The following ARHGEF37 variants were observed in gnomAD, a reference collection of about 807,000 sequenced individuals.
The protein encoded by ARHGEF37 is Rho guanine nucleotide exchange factor (GEF) 37.
A neutral mutation model predicts 71.1 loss-of-function variants in ARHGEF37; 55 were observed. The ratio of observed to expected loss-of-function variants is 0.77; its 90% CI spans 0.62 to 0.97. The LOEUF is 0.97. Among genes scored for constraint, ARHGEF37 ranks in the 50% least tolerant of loss-of-function variants. The pLI is 0.00. For synonymous variants in ARHGEF37, 327 were observed against 350.6 expected, an observed-to-expected ratio of 0.93 and a Z score of 0.75; for missense variants, 765 against 836.8, an observed-to-expected ratio of 0.91 and a Z score of 1.06.
chr5:149,572,475 G>A lies in ARHGEF37; in HGVS notation c.-12+20352G>A, dbSNP rs1015302516. Among the ~76,000 whole-genome samples, 7 of 152,158 alleles carry A rather than the reference G, an allele frequency of 4.6e-5. No homozygotes were observed. The East Asian group carries it at 1.3e-3, about 29-fold the overall frequency. The stretch of plus-strand genomic sequence containing the variant: ...GCAGAATACTGTGTAATATCAGGTG[G>A]AAGTATGAACTTGTTATTGTCTTTA... On this transcript the variant is annotated intron_variant, in intron 1 of 2. Transcript: ENST00000505810.
At chr5:149,596,306 C>T (rs887335232) in intron 1 of ARHGEF37, among the ~76,000 whole-genome samples, 12 of 151,996 alleles carry the variant, frequency 7.9e-5, no homozygotes, top group African/African-American at 2.2e-4. Context: ...TTGCCCTTTA[C>T]GCTTTATTAT....
Position 149,562,381 on chromosome 5 carries a change from C to A in ARHGEF37, c.-12+10258C>A, listed in dbSNP as rs575520993. On this transcript the variant is annotated intron_variant, in intron 1 of 2. Coordinates refer to the ARHGEF37 transcript ENST00000505810. ...AGCTAGGTAACTGCAGCTATTGTATCCATCGTAGGTGTGAGGAAGCCAGAG... is the reference window on the plus strand; with the variant it reads ...AGCTAGGTAACTGCAGCTATTGTATACATCGTAGGTGTGAGGAAGCCAGAG... Among the ~76,000 whole-genome samples, 12 of 152,284 alleles carry A rather than the reference C, an allele frequency of 7.9e-5. No individual in the cohort carries two copies. The South Asian group carries it at 2.5e-3, about 32-fold the overall frequency.
At chr5:149,602,621 A>G (rs558335280) in intron 3 of ARHGEF37, among the ~76,000 whole-genome samples, 1 of 151,408 alleles carries the variant, frequency 6.6e-6, no homozygotes, top group Non-Finnish European at 1.5e-5. Flanking sequence ...TGAGGAGGAT[A>G]GTCTTCTTAT....
intron 1 of ARHGEF37, among the ~76,000 whole-genome samples, chr5:149,573,409 T>C (rs1341368300): frequency 6.6e-6 from 1 of 152,220 alleles, no homozygotes; most frequent in Non-Finnish European, 1.5e-5. Context: ...TCTTTTTCTC[T>C]GGAGAACTCT....
chr5:149,584,321 T>A (rs1253471863), intron 1 of ARHGEF37, among the ~76,000 whole-genome samples: 1 of 152,160 alleles, frequency 6.6e-6, no homozygotes, highest in Non-Finnish European at 1.5e-5. Flanking sequence ...ACATACCACC[T>A]GTCCTTTCCA....
intron 1 of ARHGEF37, among the ~76,000 whole-genome samples, chr5:149,567,499 CGTT>C (rs1762911418): frequency 1.3e-5 from 2 of 152,186 alleles, no homozygotes; most frequent in Middle Eastern, 6.8e-3. Flanking sequence ...CTGTGGCATC[CGTT>C]AAGGTTTTTC....
At chr5:149,596,730 A>G (rs1413176575) in intron 1 of ARHGEF37, among the ~76,000 whole-genome samples, 3 of 152,330 alleles carry the variant, frequency 2.0e-5, no homozygotes, top group Non-Finnish European at 1.5e-5. Context: ...GCTGGGGGAT[A>G]GGAACACAGG....
intron 5 of ARHGEF37, 93 bp from the exon 6 acceptor site, chr5:149,618,083 G>A: frequency 6.5e-7 from 1 of 1,536,202 alleles, no homozygotes. Context: ...TGGAGCAGAG[G>A]GCCCAAGCAG....
At chr5:149,552,552 T>TG (rs1399427330) in intron 1 of ARHGEF37, among the ~76,000 whole-genome samples, 3 of 152,040 alleles carry the variant, frequency 2.0e-5, no homozygotes, top group Non-Finnish European at 2.9e-5. Context: ...AAAATAGAAA[T>TG]GGGGGGCGGG....
rs556332548 is a variant in ARHGEF37 at position 149,562,705 on chromosome 5, C to G, written c.-12+10582C>G. On this transcript the variant is annotated intron_variant, in intron 1 of 2. Transcript: ENST00000505810. ...TCGTGATCCGCCCGCCTCGGCCTCC[C>G]AAAGCGCTGGGATTACAGGCGTGAG... Among the ~76,000 whole-genome samples the G allele has an allele frequency of 3.9e-5, 6 of 152,296 alleles. No individual in the cohort carries two copies. In the South Asian group the frequency reaches 1.0e-3, roughly 26 times the overall value.
Position 149,634,856 on chromosome 5 carries a change from C to A in ARHGEF37, c.*2665C>A, listed in dbSNP as rs1752987367. On this transcript the variant is annotated 3_prime_UTR_variant, in exon 13 of 13. Transcript: ENST00000333677. The stretch of plus-strand genomic sequence containing the variant: ...CCCAACTCAGTTGTGGAGATGAGGA[C>A]AAGATTACAATATCAAAAGAAAGAT... 1 of 152,330 alleles carries A rather than the reference C, an allele frequency of 6.6e-6. No homozygotes were observed. Among genetic ancestry groups the A allele is most frequent in the African/African-American group, 2.4e-5 (1 of 41,336 alleles). The allele number at this position is 152,330 out of a possible 1,614,324, so 9.4% of individuals were successfully genotyped here. A position where few individuals can be genotyped will look rare whatever the true frequency, so the allele number is the denominator to read the frequency against.
intron 1 of ARHGEF37, among the ~76,000 whole-genome samples, chr5:149,565,490 T>A (rs1762886852): frequency 6.6e-6 from 1 of 152,182 alleles, no homozygotes; most frequent in African/African-American, 2.4e-5. Flanking sequence ...CTATCTACTA[T>A]ACAACATATA....
At chr5:149,623,261 T>A (rs1334402926) in intron 9 of ARHGEF37, among the ~76,000 whole-genome samples, 1 of 152,212 alleles carries the variant, frequency 6.6e-6, no homozygotes, top group Non-Finnish European at 1.5e-5. Context: ...TGGATGGAAC[T>A]GTGCTTAGTA....
intron 5 of ARHGEF37, among the ~76,000 whole-genome samples, chr5:149,617,767 G>A (rs1334543369): frequency 1.3e-5 from 2 of 152,184 alleles, no homozygotes; most frequent in African/African-American, 4.8e-5. Flanking sequence ...AGGAAGCACT[G>A]AGTCAGGACC....
chr5:149,615,734 A>T (rs934500637), intron 4 of ARHGEF37, among the ~76,000 whole-genome samples: 10 of 151,358 alleles, frequency 6.6e-5, no homozygotes, highest in South Asian at 2.1e-4. Flanking sequence ...TACTAAAAAT[A>T]AAAAAAAATC....
Position 149,620,366 on chromosome 5 carries a change from T to C in ARHGEF37, c.907T>C (p.Phe303Leu). The C allele has an allele frequency of 6.2e-7, 1 of 1,610,876 alleles. No homozygotes were observed. Among genetic ancestry groups the C allele is most frequent in the Non-Finnish European group, 8.5e-7 (1 of 1,178,788 alleles). The change falls in exon 8 of 13, where the codon TTC (phenylalanine) becomes CTC (leucine). Residue 303 changes from phenylalanine (F) to leucine (L), a missense_variant. Around this residue, in one of 5 missense-constraint regions of ARHGEF37, gnomAD observed 167 missense variants for 173.3 expected, o/e 0.96. Coordinates refer to ENST00000333677, the MANE Select transcript of ARHGEF37 (RefSeq NM_001001669.3). The part of the protein sequence containing the change: ...YLDNLQAFLY[F>L]RPHEYNLDIP... ...GTACTGGGTCCAGGCTTTCCTCTAC[T>C]TCAGGCCGCACGAATACAATCTGGA...
At chr5:149,619,697 AT>A (rs1468887239) in intron 7 of ARHGEF37, among the ~76,000 whole-genome samples, 1 of 152,158 alleles carries the variant, frequency 6.6e-6, no homozygotes, top group South Asian at 2.1e-4. Context: ...GCTATGGGGC[AT>A]TTTTTTAATG....
chr5:149,606,067 TC>T (rs1201045466), intron 3 of ARHGEF37, among the ~76,000 whole-genome samples: 1 of 152,218 alleles, frequency 6.6e-6, no homozygotes, highest in Non-Finnish European at 1.5e-5. Context: ...TTCACTTTCC[TC>T]CATCCTTTAG....
At chr5:149,598,167 T>A (rs1283838575) in intron 2 of ARHGEF37, among the ~76,000 whole-genome samples, 1 of 152,186 alleles carries the variant, frequency 6.6e-6, no homozygotes, top group Non-Finnish European at 1.5e-5. Context: ...TCTTAGTGTA[T>A]TCCTTGGCTA....
Sources: allele counts gnomAD v4.1 joint callset (sites outside exome capture counted in the v4.1 genomes callset), GRCh38; gene constraint gnomAD v4.1.1; regional missense constraint gnomAD v4.1.1; transcripts MANE v1.5; gene names NCBI Gene and HGNC (gene_info 2026-07-23, HGNC 2026-07-21).